Variants in ANKRD12 observed in about 807,000 individuals in gnomAD.
ANKRD12 encodes ankyrin repeat domain 12, also known as ankyrin repeat domain-containing protein 12.
Under a neutral mutation model 183.4 loss-of-function variants are expected in ANKRD12, and 85 were observed. The observed-to-expected ratio is 0.46, with a 90% CI of 0.39 to 0.56. ANKRD12 has a LOEUF of 0.56. Ranked by LOEUF, ANKRD12 falls within the 20% of genes least tolerant of loss-of-function variation. The pLI is 0.00. For missense variants in ANKRD12, 2,405 were observed against 2,357.1 expected (o/e 1.02, Z -0.42); for synonymous variants, 914 against 800.2 (o/e 1.14, Z -2.40).
chr18:9,255,721 TAAAGAA>T lies in ANKRD12; in HGVS notation c.2458_2463del (p.Glu820_Lys821del). ...AACAAGAAAAGCATATAAAGGAAAGTAAAGAAAAACCTGAGAAGCGATCTCAAATTA... is the reference window on the plus strand; with the variant it reads ...AACAAGAAAAGCATATAAAGGAAAGTAAACCTGAGAAGCGATCTCAAATTA... On this transcript the variant is annotated inframe_deletion, in exon 9 of 13. Transcript: ENST00000262126. The T allele has an allele frequency of 6.3e-7, 1 of 1,593,230 alleles. No individual in the cohort carries two copies. The highest frequency in any genetic ancestry group is 8.5e-7 in the Non-Finnish European group (1 of 1,174,296).
intron 10 of ANKRD12, among the ~76,000 whole-genome samples, chr18:9,272,134 C>T (rs1055507302): frequency 1.3e-5 from 2 of 152,188 alleles, no homozygotes; most frequent in Admixed American, 6.5e-5. Flanking sequence ...GTTTGAGAGG[C>T]TCTGCTCTAG....
intron 1 of ANKRD12, among the ~76,000 whole-genome samples, chr18:9,153,346 G>C (rs1202457198): frequency 6.6e-6 from 1 of 152,132 alleles, no homozygotes; most frequent in Non-Finnish European, 1.5e-5. Context: ...TTACTACATT[G>C]TTTTCTTATC....
At chr18:9,238,590 C>G (rs1045953157) in intron 8 of ANKRD12, among the ~76,000 whole-genome samples, 1 of 152,162 alleles carries the variant, frequency 6.6e-6, no homozygotes, top group African/African-American at 2.4e-5. Context: ...TTCAATTATT[C>G]AACAGCTGTT....
In ANKRD12 at chr18:9,256,919, A is replaced by G; in HGVS notation, c.3652A>G (p.Thr1218Ala). 4 of 1,614,034 alleles carry G rather than the reference A, an allele frequency of 2.5e-6. No homozygotes were observed. Among genetic ancestry groups the G allele is most frequent in the Non-Finnish European group, 3.4e-6 (4 of 1,179,980 alleles). Residue 1218 changes from threonine to alanine, a missense_variant, in exon 9 of 13, where the codon ACT becomes GCT. By Grantham distance (58) the Thr-to-Ala change is moderately conservative. This residue lies in a region of ANKRD12 where 1,983 missense variants were observed against 1,725.9 expected (regional missense o/e 1.15). Coordinates refer to ENST00000262126, the MANE Select transcript of ANKRD12 (RefSeq NM_015208.5). ...TGCTAGTTCAGAAGATTCCTGCCAT[A>G]CTACAGTGACAACCCCAAGGCCTCC... Reference protein sequence around the residue: ...SVASSEDSCHTTVTTPRPPVE... With the variant: ...SVASSEDSCHATVTTPRPPVE...
chr18:9,191,389 C>T lies in ANKRD12; in HGVS notation c.88-4162C>T, dbSNP rs1336632300. 2.0e-5 allele frequency among the ~76,000 whole-genome samples: 3 copies of T among 152,146 alleles called. No individual in the cohort carries two copies. The East Asian group carries it at 5.8e-4, about 29-fold the overall frequency. ...TATAGATGACATAACAAGTAGTTAGCAGTTATGATAGTTACACATCACCGT... is the reference window on the plus strand; with the variant it reads ...TATAGATGACATAACAAGTAGTTAGTAGTTATGATAGTTACACATCACCGT... On this transcript the variant is annotated intron_variant, in intron 2 of 12. Coordinates refer to ENST00000262126, the MANE Select transcript of ANKRD12 (RefSeq NM_015208.5).
At chr18:9,223,258 TC>T (rs1387825848) in intron 8 of ANKRD12, among the ~76,000 whole-genome samples, 105 of 142,442 alleles carry the variant, frequency 7.4e-4, no homozygotes, top group African/African-American at 1.9e-3. Context: ...CACCTCTCTC[TC>T]TTTTTTTTTT....
In ANKRD12 at chr18:9,138,820, G is replaced by A. The variant is rs548260878; in HGVS notation, c.-52+1855G>A. On this transcript the variant is annotated intron_variant, in intron 1 of 12. Coordinates refer to ENST00000262126, the MANE Select transcript of ANKRD12 (RefSeq NM_015208.5). ...GTTTACCCCTGGAGATTATAGACAA[G>A]GGGAGAAAAGTTTTACTACTTAAGG... Among the ~76,000 whole-genome samples the A allele has an allele frequency of 4.6e-5, 7 of 152,276 alleles. No individual in the cohort carries two copies. In the South Asian group the frequency reaches 1.2e-3, roughly 27 times the overall value.
chr18:9,222,482 TA>T (rs977880098), intron 8 of ANKRD12, among the ~76,000 whole-genome samples: 1 of 151,556 alleles, frequency 6.6e-6, no homozygotes, highest in Non-Finnish European at 1.5e-5. Flanking sequence ...TTTTTTTTTT[TA>T]AACACAATTT....
rs750304913 is a variant in ANKRD12 at position 9,182,490 on chromosome 18, A to G, written c.58A>G (p.Asn20Asp). ...IQSENSDSDSNMVEKPYGRKS... is the reference protein window; with the variant it reads ...IQSENSDSDSDMVEKPYGRKS... ...GAGTGAAAATTCTGACAGTGACAGC[A>G]ATATGGTAGAGAAACCATATGGAAG... The change falls in exon 2 of 13, where the codon AAT becomes GAT. Residue 20 changes from asparagine to aspartate, a missense_variant. Physicochemically the swap from Asn to Asp is conservative, Grantham distance 23. Coordinates refer to ENST00000262126, the MANE Select transcript of ANKRD12 (RefSeq NM_015208.5). The G allele has an allele frequency of 1.2e-6, 2 of 1,610,390 alleles. No individual in the cohort carries two copies. The highest frequency in any genetic ancestry group is 1.7e-6 in the Non-Finnish European group (2 of 1,178,174).
chr18:9,260,803 A>G (rs1382548114), intron 9 of ANKRD12, among the ~76,000 whole-genome samples: 7 of 152,216 alleles, frequency 4.6e-5, no homozygotes, highest in African/African-American at 9.6e-5. Context: ...TATGTGATCT[A>G]TGTTAATGAT....
At chr18:9,275,808 A>G in intron 11 of ANKRD12, 141 bp downstream of exon 11, 1 of 742,958 alleles carries the variant, frequency 1.3e-6, no homozygotes, top group Non-Finnish European at 2.0e-6. Context: ...TTCAAGCCAG[A>G]GTACTTCCAG....
At chr18:9,280,156 G>A (rs1437132114) in intron 12 of ANKRD12, among the ~76,000 whole-genome samples, 1 of 152,122 alleles carries the variant, frequency 6.6e-6, no homozygotes, top group Non-Finnish European at 1.5e-5. Context: ...CATGGGTTGG[G>A]GTGGGAGGAT....
At chr18:9,155,027 A>G (rs931818884) in intron 1 of ANKRD12, among the ~76,000 whole-genome samples, 1 of 152,224 alleles carries the variant, frequency 6.6e-6, no homozygotes, top group African/African-American at 2.4e-5. Context: ...TAGGTTTTCT[A>G]ACTTCACACA....
In ANKRD12 at chr18:9,143,396, C is replaced by G. The variant is rs113533851; in HGVS notation, c.-52+6431C>G. On this transcript the variant is annotated intron_variant, in intron 1 of 12. Transcript: ENST00000262126. ...TGATCATCCAGTAGTGGTTATTGAG[C>G]CTTCAGAAATTACGCTTATCTTCCA... Among the ~76,000 whole-genome samples the G allele has an allele frequency of 9.9e-3, 1,502 of 152,200 alleles. 36 individuals are homozygous for G. Among genetic ancestry groups the G allele is most frequent in the African/African-American group, 0.034 (1,428 of 41,516 alleles).
rs183637546 is a variant in ANKRD12 at position 9,193,680 on chromosome 18, T to C, written c.88-1871T>C. ...CCCCTTTTTCCTCCTCATCCCTCCT[T>C]TATTTTTCATCTTGGGTTGAAAACT... On this transcript the variant is annotated intron_variant, in intron 2 of 12. Transcript: ENST00000262126. Among the ~76,000 whole-genome samples the C allele has an allele frequency of 9.8e-5, 15 of 152,338 alleles. No homozygotes were observed. In the East Asian group the frequency reaches 2.9e-3, roughly 29 times the overall value.
In ANKRD12 at chr18:9,283,411, A is replaced by T. The variant is rs1193487480; in HGVS notation, c.*2285A>T. On this transcript the variant is annotated 3_prime_UTR_variant, in exon 13 of 13. Transcript: ENST00000262126. Reference sequence around the variant, plus strand: ...GATTATGCTTCTACAAATTTCTTTTATAAAGAGACTCAAAGCTAATGATAG... The same window carrying T: ...GATTATGCTTCTACAAATTTCTTTTTTAAAGAGACTCAAAGCTAATGATAG... The T allele has an allele frequency of 1.3e-5, 2 of 152,238 alleles. No homozygotes were observed. The highest frequency in any genetic ancestry group is 2.4e-5 in the African/African-American group (1 of 41,476). The allele number at this position is 152,238 out of a possible 1,614,324, so 9.4% of individuals were successfully genotyped here.
intron 2 of ANKRD12, among the ~76,000 whole-genome samples, chr18:9,191,455 T>A (rs532515167): frequency 3.8e-4 from 58 of 152,368 alleles, no homozygotes; most frequent in African/African-American, 1.3e-3. Flanking sequence ...TTTTGCTGTT[T>A]TCTTTCAACT....
At chr18:9,268,792 A>T (rs1045786177) in intron 10 of ANKRD12, among the ~76,000 whole-genome samples, 29 of 152,182 alleles carry the variant, frequency 1.9e-4, no homozygotes, top group Non-Finnish European at 3.2e-4. Context: ...CAGGAGAAGG[A>T]AATAAAGGGT....
At chr18:9,218,665 C>CTTTTTTTTTTTT (rs58382120) in intron 7 of ANKRD12, among the ~76,000 whole-genome samples, 1 of 142,896 alleles carries the variant, frequency 7.0e-6, no homozygotes. Flanking sequence ...CTTCTTTTTT[C>CTTTTTTTTTTTT]TTTTTTTTTT....
Sources: gnomAD v4.1 joint callset for allele counts (sites outside exome capture counted in the v4.1 genomes callset) on GRCh38, gnomAD v4.1.1 for gene constraint, gnomAD v4.1.1 regional missense constraint, MANE v1.5 for transcripts, NCBI Gene and HGNC (gene_info 2026-07-23, HGNC 2026-07-21) for gene names.